The following CSMD2 variants were observed in gnomAD, a reference collection of about 807,000 sequenced individuals.
CSMD2 encodes the protein CUB and sushi domain-containing protein 2.
In CSMD2, 130 loss-of-function variants were observed where a neutral mutation model predicts 398.5. The observed-to-expected ratio is 0.33, with a 90% confidence interval of 0.28 to 0.38. The LOEUF (loss-of-function observed/expected upper bound fraction) is 0.38. Among genes scored for constraint, CSMD2 ranks in the 10% least tolerant of loss-of-function variants. CSMD2 has a pLI of 1.00. For synonymous variants in CSMD2, 1,828 were observed against 1,908.5 expected (o/e 0.96, Z 1.10); for missense variants, 3,829 against 4,764.9 (o/e 0.80, Z 5.78).
In CSMD2 at chr1:33,896,913, C is replaced by T. The variant is rs115607614; in HGVS notation, c.920+21181G>A. 9.1e-3 allele frequency among the ~76,000 whole-genome samples: 1,383 copies of T among 151,508 alleles called. 21 individuals carry two copies. Among genetic ancestry groups the T allele is most frequent in the African/African-American group, 0.031 (1,291 of 41,222 alleles). ...CAAAGGCCCTGAGGTGGGAAGAGCACGCGTGGCATCTAAGGACCAGCAAGG... is the reference window on the plus strand; with the variant it reads ...CAAAGGCCCTGAGGTGGGAAGAGCATGCGTGGCATCTAAGGACCAGCAAGG... On this transcript the variant is annotated intron_variant, in intron 5 of 70. Transcript: ENST00000373381.
At chr1:33,864,183 CT>C (rs751909002) in intron 5 of CSMD2, 1 of 1,586,614 alleles carries the variant, frequency 6.3e-7, no homozygotes, top group Non-Finnish European at 8.5e-7. Flanking sequence ...AAAAGGTGAA[CT>C]TACGAACATG....
chr1:33,770,253 CAG>C (rs1201704323), intron 13 of CSMD2, among the ~76,000 whole-genome samples: 3 of 152,192 alleles, frequency 2.0e-5, no homozygotes, highest in African/African-American at 7.2e-5. Context: ...CATGAAAATC[CAG>C]AGAGAAGATG....
At chr1:33,755,704 G>A (rs543800568) in intron 13 of CSMD2, among the ~76,000 whole-genome samples, 2 of 152,258 alleles carry the variant, frequency 1.3e-5, no homozygotes, top group South Asian at 2.1e-4. Context: ...CAGTGCAGTG[G>A]TGCAATCCTA....
intron 3 of CSMD2, among the ~76,000 whole-genome samples, chr1:33,962,455 G>C (rs1375281560): frequency 6.6e-6 from 1 of 150,518 alleles, no homozygotes; most frequent in Non-Finnish European, 1.5e-5. Flanking sequence ...GGTCAGCCCA[G>C]GTTCTCATAG....
chr1:33,929,173 T>C (rs938382123), intron 4 of CSMD2, among the ~76,000 whole-genome samples: 1 of 152,076 alleles, frequency 6.6e-6, no homozygotes, highest in African/African-American at 2.4e-5. Context: ...AACCCATCTA[T>C]AAGGTCTGTT....
intron 6 of CSMD2, among the ~76,000 whole-genome samples, chr1:33,842,502 A>G (rs145958363): frequency 6.6e-6 from 1 of 152,156 alleles, no homozygotes; most frequent in East Asian, 1.9e-4. Context: ...AGTGCTCGCT[A>G]CCTATCCTGC....
intron 4 of CSMD2, among the ~76,000 whole-genome samples, chr1:33,928,909 C>A (rs1187745922): frequency 6.6e-6 from 1 of 152,166 alleles, no homozygotes; most frequent in Non-Finnish European, 1.5e-5. Flanking sequence ...TACAGTGTTG[C>A]CCTCTTATGC....
intron 2 of CSMD2, among the ~76,000 whole-genome samples, chr1:34,059,564 T>C (rs745501121): frequency 8.5e-5 from 13 of 152,158 alleles, no homozygotes; most frequent in Non-Finnish European, 1.0e-4. Context: ...TTGGGAGAGA[T>C]GGGAATCTGT....
chr1:34,115,882 G>C (rs1041338380), intron 1 of CSMD2, among the ~76,000 whole-genome samples: 1 of 151,862 alleles, frequency 6.6e-6, no homozygotes, highest in African/African-American at 2.4e-5. Flanking sequence ...ATCAGTCTAA[G>C]ACATATTATT....
chr1:33,749,036 C>G (rs1301968663), intron 13 of CSMD2, among the ~76,000 whole-genome samples: 3 of 150,610 alleles, frequency 2.0e-5, no homozygotes, highest in African/African-American at 7.3e-5. Flanking sequence ...TCATAAAACT[C>G]TTTCCAAATA....
rs555958049 is a variant in CSMD2, at chr1:33,636,259, C to G, written c.4969+101G>C. ...GTTTGCCAGGCTTGGAGGAGCCGGG[C>G]TTGAGGACCTTGCCCCCCTCCCTTC... is the stretch of plus-strand genomic sequence containing the variant. On this transcript the variant is annotated intron_variant, in intron 30 of 70. Coordinates refer to ENST00000373381, the MANE Select transcript of CSMD2 (RefSeq NM_001281956.2). This position sits in a 1 kb window ranked among gnomAD's most constrained non-coding sequence, Gnocchi z 4.8. 1 of 1,199,522 alleles carries G rather than the reference C, an allele frequency of 8.3e-7. No individual in the cohort carries two copies. The highest frequency in any genetic ancestry group is 1.2e-6 in the Non-Finnish European group (1 of 861,950). The allele number at this position is 1,199,522 out of a possible 1,614,324, so 74.3% of individuals were successfully genotyped here. A position where few individuals can be genotyped will look rare whatever the true frequency, so the allele number is the denominator to read the frequency against.
chr1:33,811,565 C>G (rs1262397404), intron 9 of CSMD2, among the ~76,000 whole-genome samples: 2 of 152,168 alleles, frequency 1.3e-5, no homozygotes, highest in African/African-American at 4.8e-5. Context: ...TCAGCTTATC[C>G]CTGAAACTGG....
rs1454099883 is a variant in CSMD2 at position 33,557,718 on chromosome 1, G to C, written c.8743+16C>G. 3.3e-6 allele frequency: 5 copies of C among 1,534,164 alleles called. No individual in the cohort carries two copies. The South Asian group carries it at 6.0e-5, about 18-fold the overall frequency. On this transcript the variant is annotated intron_variant, in intron 55 of 70. Coordinates refer to ENST00000373381, the MANE Select transcript of CSMD2 (RefSeq NM_001281956.2). ...GCCACCCCATCAGTCATTTTGAGCA[G>C]GTGACATCTACTTACAGAGACACTG...
intron 33 of CSMD2, among the ~76,000 whole-genome samples, chr1:33,625,967 T>C (rs1642099816): frequency 6.6e-6 from 1 of 152,216 alleles, no homozygotes; most frequent in Non-Finnish European, 1.5e-5. Context: ...CGAAGCCTCT[T>C]TGCATCCTAT....
At chr1:34,126,175 T>A (rs555165620) in intron 1 of CSMD2, among the ~76,000 whole-genome samples, 26 of 152,324 alleles carry the variant, frequency 1.7e-4, no homozygotes, top group African/African-American at 6.3e-4. Context: ...CTGGTATTTC[T>A]TGGACCACCT....
chr1:34,039,056 C>A (rs1264886841), intron 2 of CSMD2, among the ~76,000 whole-genome samples: 1 of 152,166 alleles, frequency 6.6e-6, no homozygotes, highest in Non-Finnish European at 1.5e-5. Flanking sequence ...AGTGTCTCAA[C>A]GTTACTTCTA....
chr1:33,700,787 G>C (rs937195703), intron 22 of CSMD2, 114 bp from the exon 23 acceptor site: 1 of 958,056 alleles, frequency 1.0e-6, no homozygotes, highest in Non-Finnish European at 1.6e-6. Flanking sequence ...ACAACTATCA[G>C]AGGCACAGTG....
rs374541649 is a variant in CSMD2, at chr1:33,652,480, G to A, written c.4448-19C>T. 19 of 1,612,294 alleles carry A rather than the reference G, an allele frequency of 1.2e-5. No individual in the cohort carries two copies. The highest frequency in any genetic ancestry group is 4.0e-5 in the African/African-American group (3 of 74,914). The stretch of plus-strand genomic sequence containing the variant: ...CAGGGAGCTGAGGAGAGAAGAAGAC[G>A]AGGGTGAGGCTGCCTCTTCACCCTG... On this transcript the variant is annotated intron_variant, in intron 27 of 70. Coordinates refer to ENST00000373381, the MANE Select transcript of CSMD2 (RefSeq NM_001281956.2).
chr1:33,922,400 T>C (rs913271879), intron 4 of CSMD2, among the ~76,000 whole-genome samples: 3 of 152,106 alleles, frequency 2.0e-5, no homozygotes, highest in Admixed American at 2.0e-4. Context: ...GCACAGCCAC[T>C]CTGTGTGGCC....
Sources: gnomAD v4.1 joint callset for allele counts (sites outside exome capture counted in the v4.1 genomes callset) on GRCh38, gnomAD v4.1.1 for gene constraint, Gnocchi (gnomAD v3.1) non-coding constraint, MANE v1.5 for transcripts, NCBI Gene and HGNC (gene_info 2026-07-23, HGNC 2026-07-21) for gene names.